Variants in SYNPO2 observed in about 807,000 individuals in gnomAD.
SYNPO2 encodes the protein synaptopodin-2.
A neutral mutation model predicts 85.0 loss-of-function variants in SYNPO2; 56 were observed. The observed-to-expected ratio is 0.66, with a 90% confidence interval of 0.53 to 0.82. SYNPO2 has a LOEUF of 0.82. Ranked by LOEUF, SYNPO2 falls within the 40% of genes least tolerant of loss-of-function variation. SYNPO2 has a pLI of 0.00. For missense variants in SYNPO2, 1,575 were observed against 1,534.2 expected (o/e 1.03, Z -0.44); for synonymous variants, 602 against 591.1 (o/e 1.02, Z -0.27).
At chr4:118,949,518 G>C (rs1734623888) in intron 1 of SYNPO2, among the ~76,000 whole-genome samples, 1 of 151,536 alleles carries the variant, frequency 6.6e-6, no homozygotes, top group African/African-American at 2.4e-5. Context: ...CAGATGGGCA[G>C]ATCACTTGAG....
chr4:119,032,929 T>TTGCCCC, intron 4 of SYNPO2: 5 of 905,310 alleles, frequency 5.5e-6, no homozygotes, highest in Non-Finnish European at 6.6e-6. Flanking sequence ...AAAGGTTGAT[T>TTGCCCC]CCCACCCTCC....
chr4:119,012,728 C>A (rs1481784249), intron 1 of SYNPO2, among the ~76,000 whole-genome samples: 1 of 152,134 alleles, frequency 6.6e-6, no homozygotes, highest in Non-Finnish European at 1.5e-5. Flanking sequence ...GACATTAACT[C>A]CTTCTTTTTT....
chr4:118,930,989 A>C (rs970199887), intron 1 of SYNPO2, among the ~76,000 whole-genome samples: 1 of 152,072 alleles, frequency 6.6e-6, no homozygotes. Context: ...TTCTTTACCC[A>C]CAGGGATGAC....
chr4:118,879,249 A>G (rs1395139935), intron 1 of SYNPO2, among the ~76,000 whole-genome samples: 2 of 152,228 alleles, frequency 1.3e-5, no homozygotes, highest in Non-Finnish European at 2.9e-5. Context: ...CAGGGAGACC[A>G]TGAACCCACT....
intron 4 of SYNPO2, chr4:119,042,459 A>G (rs954392379): frequency 4.6e-5 from 7 of 152,204 alleles, no homozygotes; most frequent in African/African-American, 1.7e-4. Context: ...TTATCTCCAA[A>G]TCCAAAATAT....
chr4:119,032,167 T>C (rs1738303522), intron 4 of SYNPO2, 140 bp downstream of exon 4: 19 of 1,475,502 alleles, frequency 1.3e-5, no homozygotes, highest in Non-Finnish European at 1.6e-5. Context: ...ATTTCAGATA[T>C]GTCACCTCCT....
chr4:119,030,875 A>G lies in SYNPO2; in HGVS notation c.2100A>G (p.Lys700=). Residue 700 remains lysine, a synonymous_variant, in exon 4 of 5, where the codon AAA becomes AAG. Coordinates refer to ENST00000307142, the MANE Select transcript of SYNPO2 (RefSeq NM_133477.3). ...RSTTKPMFTF[K]EPKVSPNPEL... is the part of the protein sequence containing the mutation. ...CGACAAAACCCATGTTTACTTTTAA[A>G]GAGCCCAAAGTAAGCCCAAATCCTG... 6.2e-7 allele frequency: 1 copy of G among 1,614,208 alleles called. No individual in the cohort carries two copies. The highest frequency in any genetic ancestry group is 8.5e-7 in the Non-Finnish European group (1 of 1,180,040).
chr4:118,929,831 G>A lies in SYNPO2; in HGVS notation c.105+40690G>A, dbSNP rs61307436. Among the ~76,000 whole-genome samples the A allele has an allele frequency of 7.0e-3, 1,063 of 152,096 alleles. 8 individuals are homozygous for A. The highest frequency in any genetic ancestry group is 0.023 in the African/African-American group (969 of 41,526). On this transcript the variant is annotated intron_variant, in intron 1 of 4. Transcript: ENST00000307142. ...AAAACCTTCAATCAACGGATTTATC[G>A]TGGATGCATACATTTGGTTTCTAAT...
chr4:119,057,926 C>T lies in SYNPO2; in HGVS notation c.3778C>T (p.Gln1260Ter). 1 of 1,609,130 alleles carries T rather than the reference C, an allele frequency of 6.2e-7. No individual in the cohort carries two copies. Residue 1260 changes from glutamine to a stop codon, truncating the protein, a stop_gained, in exon 5 of 5, where the codon CAA becomes TAA. Coordinates refer to ENST00000307142, the MANE Select transcript of SYNPO2 (RefSeq NM_133477.3). LOFTEE classifies it high-confidence loss of function. ...YNPHPRGWRR[Q>*]T Reference sequence around the variant, plus strand: ...CCCACACCCAAGGGGATGGAGACGCCAAACATGAAAGTTAGAAGAACGGAT... The same window carrying T: ...CCCACACCCAAGGGGATGGAGACGCTAAACATGAAAGTTAGAAGAACGGAT...
intron 1 of SYNPO2, among the ~76,000 whole-genome samples, chr4:118,898,256 T>C (rs1183628715): frequency 6.6e-6 from 1 of 152,190 alleles, no homozygotes; most frequent in Non-Finnish European, 1.5e-5. Context: ...ACTGATTTTC[T>C]ACCTCCTCAG....
chr4:118,933,673 G>C (rs1734001635), intron 1 of SYNPO2, among the ~76,000 whole-genome samples: 1 of 152,040 alleles, frequency 6.6e-6, no homozygotes, highest in Non-Finnish European at 1.5e-5. Context: ...ACAACATACA[G>C]AATAGTTTAT....
rs1363748722 is a variant in SYNPO2, at chr4:119,027,277, C to A, written c.908C>A (p.Ala303Glu). 1 of 1,614,110 alleles carries A rather than the reference C, an allele frequency of 6.2e-7. No individual in the cohort carries two copies. Residue 303 changes from alanine to glutamate, a missense_variant, in exon 3 of 5, where the codon GCA becomes GAA. By Grantham distance (107) the Ala-to-Glu change is moderately radical (BLOSUM62 -1). This residue lies in a region of SYNPO2 where 1,508 missense variants were observed against 1,446.8 expected (regional missense o/e 1.04). Transcript: ENST00000307142. Reference protein sequence around the residue: ...RQKTEGCRLQAGKECVDSPVE... With the variant: ...RQKTEGCRLQEGKECVDSPVE... The stretch of plus-strand genomic sequence containing the variant: ...AAGACAGAAGGGTGCAGGCTTCAGG[C>A]AGGAAAGGAGTGTGTGGATTCTCCA...
intron 1 of SYNPO2, among the ~76,000 whole-genome samples, chr4:118,967,647 G>C (rs1458778350): frequency 6.6e-6 from 1 of 152,156 alleles, no homozygotes; most frequent in East Asian, 1.9e-4. Context: ...AACGGGTATA[G>C]CACAATCCCT....
At chr4:118,869,024 C>A (rs1338086858) in intron 1 of SYNPO2, among the ~76,000 whole-genome samples, 2 of 152,066 alleles carry the variant, frequency 1.3e-5, no homozygotes, top group Non-Finnish European at 2.9e-5. Context: ...CATGGTGGGG[C>A]TGAATGTTTA....
At chr4:118,976,836 C>G (rs1196419322) in intron 1 of SYNPO2, among the ~76,000 whole-genome samples, 3 of 152,188 alleles carry the variant, frequency 2.0e-5, no homozygotes, top group African/African-American at 7.2e-5. Context: ...TCTCCACGTC[C>G]TCACCAGAGC....
chr4:118,996,798 G>A (rs56739449), intron 1 of SYNPO2, among the ~76,000 whole-genome samples: 38,964 of 149,526 alleles, frequency 0.26, 5,297 homozygotes, highest in South Asian at 0.33. Context: ...CAGAGGTTGC[G>A]GTGAGCTGAG....
At chr4:118,854,353 T>C (rs1731471698) in intron 1 of SYNPO2, among the ~76,000 whole-genome samples, 1 of 152,250 alleles carries the variant, frequency 6.6e-6, no homozygotes, top group Admixed American at 6.5e-5. Context: ...AAGCAATAGC[T>C]ATCATTTTAT....
At chr4:118,921,511 G>C (rs34893726) in intron 1 of SYNPO2, among the ~76,000 whole-genome samples, 1,675 of 152,072 alleles carry the variant, frequency 0.011, 18 homozygotes, top group Non-Finnish European at 0.014. Context: ...TACTTGGGAG[G>C]CTGAGGTGGG....
intron 1 of SYNPO2, among the ~76,000 whole-genome samples, chr4:118,925,321 C>T (rs1190604893): frequency 6.6e-6 from 1 of 152,142 alleles, no homozygotes; most frequent in Non-Finnish European, 1.5e-5. Context: ...CCTAGGCTCA[C>T]CAGCCAGTAA....
Sources: allele counts gnomAD v4.1 joint callset (sites outside exome capture counted in the v4.1 genomes callset), GRCh38; gene constraint gnomAD v4.1.1; regional missense constraint gnomAD v4.1.1; transcripts MANE v1.5; gene names NCBI Gene and HGNC (gene_info 2026-07-23, HGNC 2026-07-21).